FRAS1: variants seen among roughly 807,000 people sequenced by gnomAD.
The protein encoded by FRAS1 is extracellular matrix organizing protein FRAS1.
Under a neutral mutation model 435.2 loss-of-function variants are expected in FRAS1, and 290 were observed. The observed-to-expected ratio is 0.67, with a 90% CI of 0.61 to 0.73. FRAS1 has a LOEUF of 0.73. FRAS1 is among the 30% of genes least tolerant of loss of function. The pLI is 0.00. For synonymous variants in FRAS1, 1,800 were observed against 1,851.0 expected, an observed-to-expected ratio of 0.97 and a Z score of 0.71; for missense variants, 4,860 against 5,001.5, an observed-to-expected ratio of 0.97 and a Z score of 0.85.
At chr4:78,341,754 A>G (rs1461285281) in intron 20 of FRAS1, among the ~76,000 whole-genome samples, 1 of 152,168 alleles carries the variant, frequency 6.6e-6, no homozygotes, top group East Asian at 1.9e-4. Context: ...TACCAAGGGT[A>G]GGAATAGATC....
chr4:78,395,002 A>G (rs1305094197), intron 29 of FRAS1, among the ~76,000 whole-genome samples: 1 of 151,782 alleles, frequency 6.6e-6, no homozygotes, highest in Non-Finnish European at 1.5e-5. Context: ...TGTTTTTCAA[A>G]GAGTTTATTG....
At position 78,102,614 on chromosome 4, in the gene FRAS1, A is replaced by G. The variant is rs774373141; in HGVS notation, c.108+36598A>G. Among the ~76,000 whole-genome samples, 7 of 152,312 alleles carry G rather than the reference A, an allele frequency of 4.6e-5. No individual in the cohort carries two copies. The East Asian group carries it at 5.8e-4, about 13-fold the overall frequency. On this transcript the variant is annotated intron_variant, in intron 2 of 73. Coordinates refer to ENST00000512123, the MANE Select transcript of FRAS1 (RefSeq NM_025074.7). ...ACATAGTGTATTTAATAGGAACTGA[A>G]AATTGAAGAAAACATGAGAAGTTGA...
chr4:78,068,252 G>A (rs998734300), intron 2 of FRAS1, among the ~76,000 whole-genome samples: 13 of 152,030 alleles, frequency 8.6e-5, no homozygotes, highest in African/African-American at 1.7e-4. Flanking sequence ...GAGGTGGAAC[G>A]GATAGAAAAG....
At chr4:78,508,631 T>C (rs1483628636) in intron 62 of FRAS1, 100 bp from the exon 63 acceptor site, 1 of 1,225,310 alleles carries the variant, frequency 8.2e-7, no homozygotes, top group African/African-American at 1.5e-5. Flanking sequence ...AAAGAACCTG[T>C]AGACACTAAG....
intron 20 of FRAS1, among the ~76,000 whole-genome samples, chr4:78,362,431 G>A (rs1220896527): frequency 6.6e-6 from 1 of 152,228 alleles, no homozygotes; most frequent in Non-Finnish European, 1.5e-5. Context: ...CCTTGTAGGA[G>A]AAAGCATGTA....
At chr4:78,238,397 C>T (rs1724851514) in intron 3 of FRAS1, among the ~76,000 whole-genome samples, 1 of 150,366 alleles carries the variant, frequency 6.7e-6, no homozygotes. Flanking sequence ...ACTCCCAGGA[C>T]AAGACCAATT....
At chr4:78,231,040 C>T (rs192864366) in intron 2 of FRAS1, among the ~76,000 whole-genome samples, 44 of 152,198 alleles carry the variant, frequency 2.9e-4, no homozygotes, top group Non-Finnish European at 6.2e-4. Context: ...CTGCAACCTC[C>T]GCCTCCCGGG....
intron 15 of FRAS1, among the ~76,000 whole-genome samples, chr4:78,309,759 G>T (rs1344229122): frequency 6.6e-6 from 1 of 151,888 alleles, no homozygotes; most frequent in Non-Finnish European, 1.5e-5. Flanking sequence ...GGCTACCCCT[G>T]TGGACATTGC....
chr4:78,239,169 A>G (rs1460898776), intron 3 of FRAS1, among the ~76,000 whole-genome samples: 2 of 152,252 alleles, frequency 1.3e-5, no homozygotes, highest in Non-Finnish European at 2.9e-5. Context: ...TTTGTTATAT[A>G]TCAAACTTGT....
At chr4:78,248,105 C>T (rs1725336965) in intron 4 of FRAS1, among the ~76,000 whole-genome samples, 1 of 152,138 alleles carries the variant, frequency 6.6e-6, no homozygotes, top group Admixed American at 6.5e-5. Context: ...CAAGTCAAGA[C>T]TAGTCTCAAG....
chr4:78,149,800 C>T (rs2110009620), intron 2 of FRAS1, among the ~76,000 whole-genome samples: 1 of 152,300 alleles, frequency 6.6e-6, no homozygotes, highest in Middle Eastern at 3.4e-3. Context: ...CTGGAGGAGG[C>T]TCAGTTTTGC....
intron 67 of FRAS1, among the ~76,000 whole-genome samples, chr4:78,521,198 A>G (rs909727956): frequency 7.2e-5 from 11 of 152,320 alleles, no homozygotes; most frequent in African/African-American, 2.6e-4. Context: ...TGCTGTAACC[A>G]TACCCTGGTG....
chr4:78,451,661 AGGTGTGAACTGATTCATT>A, intron 45 of FRAS1, 93 bp from the exon 46 acceptor site: 1 of 733,744 alleles, frequency 1.4e-6, no homozygotes, highest in East Asian at 3.0e-5. Flanking sequence ...AAAGCGAGGA[AGGTGTGAACTGATTCATT>A]GGTGTGAACA....
At chr4:78,398,781 G>A (rs769519352) in intron 29 of FRAS1, among the ~76,000 whole-genome samples, 18 of 152,172 alleles carry the variant, frequency 1.2e-4, no homozygotes, top group South Asian at 2.1e-4. Flanking sequence ...TCAGGAGTTC[G>A]AGACCAGCCT....
At chr4:78,058,404 CCGAAGGG>C (rs1469220441) in intron 1 of FRAS1, among the ~76,000 whole-genome samples, 2 of 152,060 alleles carry the variant, frequency 1.3e-5, no homozygotes, top group Non-Finnish European at 2.9e-5. Flanking sequence ...CTACCTTTCC[CCGAAGGG>C]AAAGCAACTG....
chr4:78,331,882 A>G (rs76138997), intron 18 of FRAS1, among the ~76,000 whole-genome samples: 3,194 of 152,338 alleles, frequency 0.021, 72 homozygotes, highest in Middle Eastern at 0.034. Flanking sequence ...CCAGAAGATC[A>G]GGAGACTGTT....
intron 29 of FRAS1, 55 bp downstream of exon 29, chr4:78,387,756 G>A (rs573214345): frequency 5.9e-5 from 69 of 1,165,072 alleles, no homozygotes; most frequent in South Asian, 1.6e-4. Context: ...GAACTTCTAC[G>A]GTTGATATTA....
intron 43 of FRAS1, among the ~76,000 whole-genome samples, chr4:78,447,129 A>G (rs909953336): frequency 6.7e-6 from 1 of 149,348 alleles, no homozygotes; most frequent in Non-Finnish European, 1.5e-5. Context: ...TTGCTTTTCT[A>G]TGTAACCTTA....
rs965432997 is a variant in FRAS1 at position 78,503,055 on chromosome 4, G to C, written c.9316+3134G>C. ...TATGTTGAACCAACCTTGCATCCCAGGGATGAAGCCAACATGATCGTGGTG... is the reference window on the plus strand; with the variant it reads ...TATGTTGAACCAACCTTGCATCCCACGGATGAAGCCAACATGATCGTGGTG... On this transcript the variant is annotated intron_variant, in intron 61 of 73. Transcript: ENST00000512123. Among the ~76,000 whole-genome samples, 5 of 152,276 alleles carry C rather than the reference G, an allele frequency of 3.3e-5. No individual in the cohort carries two copies. In the East Asian group the frequency reaches 9.6e-4, roughly 29 times the overall value.
Sources: gnomAD v4.1 joint callset for allele counts (sites outside exome capture counted in the v4.1 genomes callset) on GRCh38, gnomAD v4.1.1 for gene constraint, MANE v1.5 for transcripts, NCBI Gene and HGNC (gene_info 2026-07-23, HGNC 2026-07-21) for gene names.